CDH18: variants seen among roughly 807,000 people sequenced by gnomAD.
The protein encoded by CDH18 is cadherin-18.
A neutral mutation model predicts 67.9 loss-of-function variants in CDH18; 31 were observed. The ratio of observed to expected loss-of-function variants is 0.46; its 90% CI spans 0.34 to 0.62. The LOEUF is 0.62. Ranked by LOEUF, CDH18 falls within the 20% of genes least tolerant of loss-of-function variation. The probability of loss-of-function intolerance (pLI) is 0.01; values close to 1 mark genes in which losing one functional copy is unlikely to be tolerated. For missense variants in CDH18, 890 were observed against 975.5 expected, an observed-to-expected ratio of 0.91 and a Z score of 1.17; for synonymous variants, 362 against 347.2, an observed-to-expected ratio of 1.04 and a Z score of -0.48.
At chr5:19,845,096 C>T (rs193234120) in intron 2 of CDH18, among the ~76,000 whole-genome samples, 1 of 152,098 alleles carries the variant, frequency 6.6e-6, no homozygotes, top group Admixed American at 6.6e-5. Context: ...ACATTTTCAG[C>T]TTCTTTTAAA....
chr5:20,074,201 T>C (rs561141208), intron 2 of CDH18, among the ~76,000 whole-genome samples: 1 of 152,286 alleles, frequency 6.6e-6, no homozygotes, highest in South Asian at 2.1e-4. Context: ...TATAGACAGA[T>C]ATACTGCTGG....
At chr5:19,852,768 A>G (rs1783852185) in intron 2 of CDH18, among the ~76,000 whole-genome samples, 1 of 152,060 alleles carries the variant, frequency 6.6e-6, no homozygotes, top group Admixed American at 6.6e-5. Context: ...ACATCCTCCA[A>G]TAACTGATTT....
At chr5:19,800,366 A>G (rs1009286418) in intron 3 of CDH18, among the ~76,000 whole-genome samples, 1 of 149,614 alleles carries the variant, frequency 6.7e-6, no homozygotes, top group African/African-American at 2.6e-5. Context: ...CTATTCTTGG[A>G]AAAAAAATGT....
chr5:20,187,183 A>C (rs1312946545), intron 2 of CDH18, among the ~76,000 whole-genome samples: 2 of 151,884 alleles, frequency 1.3e-5, no homozygotes, highest in African/African-American at 4.8e-5. Context: ...TCATTTGGAC[A>C]AGATGAATGA....
chr5:19,819,019 A>C (rs1031659192), intron 3 of CDH18, among the ~76,000 whole-genome samples: 2 of 151,996 alleles, frequency 1.3e-5, no homozygotes, highest in Non-Finnish European at 2.9e-5. Context: ...TGTTGGAAAA[A>C]AATGTGACTT....
intron 1 of CDH18, among the ~76,000 whole-genome samples, chr5:20,463,475 A>G (rs967688131): frequency 6.6e-6 from 1 of 152,134 alleles, no homozygotes; most frequent in Non-Finnish European, 1.5e-5. Context: ...AGGCCTCAGG[A>G]AACGTACAAT....
chr5:19,976,495 G>T (rs1383767190), intron 2 of CDH18, among the ~76,000 whole-genome samples: 1 of 152,104 alleles, frequency 6.6e-6, no homozygotes, highest in Non-Finnish European at 1.5e-5. Context: ...ATTGTCAACT[G>T]CAGTATTTCA....
chr5:20,471,726 C>T (rs1047814477), intron 1 of CDH18, among the ~76,000 whole-genome samples: 2 of 146,548 alleles, frequency 1.4e-5, no homozygotes, highest in African/African-American at 2.5e-5. Context: ...AGATTGAACC[C>T]GGGAGGCGGA....
intron 7 of CDH18, among the ~76,000 whole-genome samples, chr5:19,580,682 T>C (rs1335447914): frequency 6.6e-6 from 1 of 151,954 alleles, no homozygotes; most frequent in Admixed American, 6.6e-5. Flanking sequence ...GATATAATTG[T>C]TCCCATCTAC....
rs192202275 is a variant in CDH18, at chr5:20,038,609, T to C, written c.-517-46595A>G. On this transcript the variant is annotated intron_variant, in intron 2 of 14. Transcript: ENST00000507958. ...GACAAAAGCCATATGATTATCTCAATAGATACAGATTATGCCTTCAATAAA... is the reference window on the plus strand; with the variant it reads ...GACAAAAGCCATATGATTATCTCAACAGATACAGATTATGCCTTCAATAAA... 5.3e-5 allele frequency among the ~76,000 whole-genome samples: 8 copies of C among 152,294 alleles called. No individual in the cohort carries two copies. In the East Asian group the frequency reaches 9.7e-4, roughly 18 times the overall value.
intron 4 of CDH18, among the ~76,000 whole-genome samples, chr5:19,730,302 A>G (rs1767420041): frequency 6.6e-6 from 1 of 152,140 alleles, no homozygotes; most frequent in African/African-American, 2.4e-5. Context: ...TAGAACTTTG[A>G]TTGACACAGA....
intron 1 of CDH18, among the ~76,000 whole-genome samples, chr5:20,279,730 C>CAAAAAAAAAAAAAAAAAAAAAAAA (rs1309866477): frequency 1.0e-4 from 7 of 66,682 alleles, no homozygotes; most frequent in African/African-American, 1.9e-4. Context: ...AAAAAAAAAG[C>CAAAAAAAAAAAAAAAAAAAAAAAA]AAAAACTGTA....
At chr5:20,362,210 T>A (rs1056985489) in intron 1 of CDH18, among the ~76,000 whole-genome samples, 2 of 152,110 alleles carry the variant, frequency 1.3e-5, no homozygotes, top group Admixed American at 1.3e-4. Context: ...GACACATAAC[T>A]CATCACATTC....
At chr5:19,842,012 A>T (rs1472592182) in intron 2 of CDH18, among the ~76,000 whole-genome samples, 2 of 152,212 alleles carry the variant, frequency 1.3e-5, no homozygotes, top group Non-Finnish European at 1.5e-5. Flanking sequence ...CAAATATAAA[A>T]TTTTTCTGCA....
intron 1 of CDH18, among the ~76,000 whole-genome samples, chr5:20,259,245 C>T (rs1003427772): frequency 1.3e-5 from 2 of 152,092 alleles, no homozygotes; most frequent in Non-Finnish European, 2.9e-5. Context: ...AGGAATGTTA[C>T]TGAAAACTAG....
At chr5:20,338,145 C>T (rs1471127987) in intron 1 of CDH18, among the ~76,000 whole-genome samples, 1 of 152,186 alleles carries the variant, frequency 6.6e-6, no homozygotes, top group Non-Finnish European at 1.5e-5. Context: ...TGGGTGGAGG[C>T]ACAGCCAAAC....
At chr5:19,601,733 A>G (rs1747161472) in intron 6 of CDH18, among the ~76,000 whole-genome samples, 1 of 152,246 alleles carries the variant, frequency 6.6e-6, no homozygotes, top group East Asian at 1.9e-4. Context: ...TCAGCATAAT[A>G]TCAAAGGAAT....
chr5:20,241,025 T>A (rs1193572596), intron 2 of CDH18, among the ~76,000 whole-genome samples: 1 of 152,166 alleles, frequency 6.6e-6, no homozygotes, highest in East Asian at 1.9e-4. Flanking sequence ...GTAAATAAAT[T>A]ACCAAATTAG....
intron 2 of CDH18, among the ~76,000 whole-genome samples, chr5:19,898,704 C>T (rs900815050): frequency 2.6e-5 from 4 of 151,698 alleles, no homozygotes; most frequent in Admixed American, 2.6e-4. Flanking sequence ...TAAAGTTTTA[C>T]AAAAAATCAT....
Sources: gnomAD v4.1 joint callset for allele counts (sites outside exome capture counted in the v4.1 genomes callset) on GRCh38, gnomAD v4.1.1 for gene constraint, MANE v1.5 for transcripts, NCBI Gene and HGNC (gene_info 2026-07-23, HGNC 2026-07-21) for gene names.